Variants in BDP1 observed in about 807,000 individuals in gnomAD.
The protein encoded by BDP1 is BDP1 general transcription factor IIIB subunit, also known as transcription factor TFIIIB component B'' homolog.
In BDP1, 169 loss-of-function variants were observed where a neutral mutation model predicts 266.6. The observed-to-expected ratio is 0.63, with a 90% CI of 0.56 to 0.72. BDP1 has a LOEUF of 0.72. Among genes scored for constraint, BDP1 ranks in the 30% least tolerant of loss-of-function variants. BDP1 has a pLI of 0.00. For missense variants in BDP1, 3,015 were observed against 3,053.8 expected (o/e 0.99, Z 0.30); for synonymous variants, 1,090 against 1,022.4 (o/e 1.07, Z -1.26).
At chr5:71,574,358 C>T in the BDP1 span, among the ~76,000 whole-genome samples, 2 of 152,192 alleles carry the variant, frequency 1.3e-5, no homozygotes. Context: ...GAATGGCACC[C>T]CCCTGTCAGG....
At chr5:71,541,981 T>C in intron 29 of BDP1, 124 bp from the exon 30 acceptor site, 1 of 729,890 alleles carries the variant, frequency 1.4e-6, no homozygotes, top group South Asian at 2.5e-5. Flanking sequence ...TATTAAGAAA[T>C]GAACACTTGT....
rs1194738951 is a variant in BDP1, at chr5:71,456,212, AG to A, written c.212+125del. On this transcript the variant is annotated intron_variant, in intron 1 of 38. Transcript: ENST00000358731. ...TCGTTTGCAGTAAGCCTTTCAGTTGAGGCTTGATGAAACCACTCCAAACTGC... is the reference window on the plus strand; with the variant it reads ...TCGTTTGCAGTAAGCCTTTCAGTTGAGCTTGATGAAACCACTCCAAACTGC... The A allele has an allele frequency of 4.7e-5, 45 of 950,358 alleles. No homozygotes were observed. In the Admixed American group the frequency reaches 6.3e-4, roughly 13 times the overall value. The allele number at this position is 950,358 out of a possible 1,614,324, so 58.9% of individuals were successfully genotyped here. A position where few individuals can be genotyped will look rare whatever the true frequency, so the allele number is the denominator to read the frequency against.
intron 12 of BDP1, among the ~76,000 whole-genome samples, chr5:71,496,257 A>AT (rs974326873): frequency 6.6e-6 from 1 of 150,972 alleles, no homozygotes; most frequent in Non-Finnish European, 1.5e-5. Flanking sequence ...AAAAAAAAAA[A>AT]GAAAGCTATT....
intron 7 of BDP1, among the ~76,000 whole-genome samples, chr5:71,473,145 A>G (rs1762366305): frequency 6.6e-6 from 1 of 151,672 alleles, no homozygotes; most frequent in Non-Finnish European, 1.5e-5. Context: ...TTGGCCTCCC[A>G]AAGTTCTGGA....
At position 71,541,485 on chromosome 5, in the gene BDP1, A is replaced by G. The variant is rs777237853; in HGVS notation, c.6054A>G (p.Ser2018=). ...TATGTATAATTCCTCATGTTCATTC[A>G]AAGGATAAAAGCCATATTCCTTCTA... ...VGVCIIPHVH[S]KDKSHIPSSL... The change falls in exon 29 of 39, where the codon TCA becomes TCG. Residue 2018 remains serine, a synonymous_variant. Transcript: ENST00000358731. The G allele has an allele frequency of 5.1e-6, 8 of 1,578,988 alleles. No homozygotes were observed. The highest frequency in any genetic ancestry group is 1.2e-5 in the South Asian group (1 of 86,826).
chr5:71,578,255 G>C, the BDP1 span, among the ~76,000 whole-genome samples: 1 of 152,150 alleles, frequency 6.6e-6, no homozygotes, highest in East Asian at 1.9e-4. Context: ...GTCCACTAGA[G>C]GCAAGGTGTC....
intron 24 of BDP1, among the ~76,000 whole-genome samples, chr5:71,523,641 T>C (rs1765623633): frequency 6.6e-6 from 1 of 152,194 alleles, no homozygotes; most frequent in Admixed American, 6.5e-5. Flanking sequence ...CCCTTTTTCT[T>C]CTAATAATTT....
intron 36 of BDP1, among the ~76,000 whole-genome samples, chr5:71,558,058 ATTTCT>A (rs1561790688): frequency 6.6e-6 from 1 of 152,018 alleles, no homozygotes; most frequent in Non-Finnish European, 1.5e-5. Context: ...TCTGTTTTTC[ATTTCT>A]TTTATGACAT....
At chr5:71,494,911 A>G (rs895488922) in intron 11 of BDP1, 1 of 160,140 alleles carries the variant, frequency 6.2e-6, no homozygotes, top group Non-Finnish European at 1.4e-5. Flanking sequence ...GTTGGCCAGG[A>G]TGTTCCAAAC....
chr5:71,497,999 G>A (rs532374755), intron 13 of BDP1, among the ~76,000 whole-genome samples: 24 of 151,396 alleles, frequency 1.6e-4, no homozygotes, highest in African/African-American at 5.3e-4. Context: ...CTCCCAGGCT[G>A]GAGTGCAGTG....
chr5:71,461,503 A>G (rs1188016600), intron 2 of BDP1, among the ~76,000 whole-genome samples: 2 of 151,964 alleles, frequency 1.3e-5, no homozygotes, highest in East Asian at 1.9e-4. Context: ...AGTCCCAGCT[A>G]CTTGGGAGGC....
chr5:71,549,185 C>T (rs1324062329), intron 33 of BDP1, among the ~76,000 whole-genome samples: 2 of 152,164 alleles, frequency 1.3e-5, no homozygotes, highest in Non-Finnish European at 2.9e-5. Flanking sequence ...TTGCAGTGAG[C>T]CGAGATTGTG....
intron 10 of BDP1, 34 bp from the exon 11 acceptor site, chr5:71,490,950 A>G (rs1348745760): frequency 6.4e-7 from 1 of 1,563,098 alleles, no homozygotes; most frequent in Non-Finnish European, 8.7e-7. Context: ...TTTTGCTGTC[A>G]TTTTTTAGAA....
intron 7 of BDP1, 99 bp downstream of exon 7, chr5:71,470,588 CT>C (rs775641007): frequency 0.18 from 102,975 of 571,168 alleles, 2 homozygotes; most frequent in East Asian, 0.22. Context: ...CTTAGTTCAT[CT>C]TTTTTTTTTT....
downstream of BDP1, among the ~76,000 whole-genome samples, chr5:71,569,844 C>G (rs1744208230): frequency 1.3e-5 from 2 of 152,218 alleles, no homozygotes; most frequent in African/African-American, 4.8e-5. Context: ...GGTGTAACAC[C>G]AACACCAACA....
intron 34 of BDP1, among the ~76,000 whole-genome samples, chr5:71,552,386 A>G (rs1742879528): frequency 6.6e-6 from 1 of 151,062 alleles, no homozygotes. Flanking sequence ...CTGGGCAGCC[A>G]GGCAGAGGGG....
chr5:71,548,785 T>G, intron 33 of BDP1, 40 bp downstream of exon 33: 1 of 1,385,312 alleles, frequency 7.2e-7, no homozygotes, highest in Non-Finnish European at 1.0e-6. Context: ...TAGAACTTAG[T>G]TGTATGATTT....
Position 71,517,466 on chromosome 5 carries a change from TA to T in BDP1, c.4991+16del. The T allele has an allele frequency of 6.5e-7, 1 of 1,546,760 alleles. No homozygotes were observed. The highest frequency in any genetic ancestry group is 8.7e-7 in the Non-Finnish European group (1 of 1,155,298). ...TGAAACAATCAGGTGAGTTTGCTTT[TA>T]ATGAGAAAAAATAAGACTTTTCAAA... On this transcript the variant is annotated intron_variant, in intron 22 of 38. Coordinates refer to ENST00000358731, the MANE Select transcript of BDP1 (RefSeq NM_018429.3).
intron 26 of BDP1, among the ~76,000 whole-genome samples, chr5:71,536,631 G>A (rs1195097075): frequency 2.0e-5 from 3 of 152,176 alleles, no homozygotes; most frequent in Non-Finnish European, 4.4e-5. Context: ...TTCAAGGCCA[G>A]CCTGGGCAAC....
Sources: gnomAD v4.1 joint callset for allele counts (sites outside exome capture counted in the v4.1 genomes callset) on GRCh38, gnomAD v4.1.1 for gene constraint, MANE v1.5 for transcripts, NCBI Gene and HGNC (gene_info 2026-07-23, HGNC 2026-07-21) for gene names.